Variants in NEBL observed in about 807,000 individuals in gnomAD.
NEBL encodes nebulette, also known as LIM and SH3 protein 2.
In NEBL, 122 loss-of-function variants were observed where a neutral mutation model predicts 140.2. The ratio of observed to expected loss-of-function variants is 0.87; its 90% CI spans 0.75 to 1.01. The LOEUF (loss-of-function observed/expected upper bound fraction) is 1.01. Ranked by LOEUF, NEBL falls within the 50% of genes least tolerant of loss-of-function variation. NEBL has a pLI of 0.00. For synonymous variants in NEBL, 436 were observed against 398.9 expected (o/e 1.09, Z -1.11); for missense variants, 1,365 against 1,231.3 (o/e 1.11, Z -1.62).
intron 2 of NEBL, among the ~76,000 whole-genome samples, chr10:21,069,715 A>C (rs1835728908): frequency 6.6e-6 from 1 of 152,244 alleles, no homozygotes. Flanking sequence ...CAGGGTGAGG[A>C]TAGAAATCTC....
chr10:20,937,782 A>G (rs183513238), intron 4 of NEBL, among the ~76,000 whole-genome samples: 74 of 152,312 alleles, frequency 4.9e-4, no homozygotes, highest in African/African-American at 1.6e-3. Flanking sequence ...ACGGCACACC[A>G]GGAGATCATA....
chr10:21,277,110 CAGA>C (rs1031966682), intron 1 of NEBL, among the ~76,000 whole-genome samples: 1 of 151,372 alleles, frequency 6.6e-6, no homozygotes, highest in Non-Finnish European at 1.5e-5. Context: ...GCCTGAGTCA[CAGA>C]AGAAGACCCT....
chr10:20,807,900 T>C (rs190559436), intron 26 of NEBL, among the ~76,000 whole-genome samples: 168 of 150,954 alleles, frequency 1.1e-3, no homozygotes, highest in Non-Finnish European at 1.2e-3. Flanking sequence ...TCAGCCTGGA[T>C]ACAGAAAACA....
chr10:21,214,198 A>G (rs1041992533), intron 3 of NEBL, among the ~76,000 whole-genome samples: 1 of 151,738 alleles, frequency 6.6e-6, no homozygotes, highest in Non-Finnish European at 1.5e-5. Flanking sequence ...TCATATATGT[A>G]TATCATGCAC....
chr10:21,044,477 T>C (rs1834421826), intron 2 of NEBL, among the ~76,000 whole-genome samples: 1 of 133,282 alleles, frequency 7.5e-6, no homozygotes, highest in Non-Finnish European at 1.6e-5. Context: ...TCCAGGAACA[T>C]CTTACACAAC....
At chr10:20,966,203 T>C (rs1465576154) in intron 3 of NEBL, among the ~76,000 whole-genome samples, 3 of 152,230 alleles carry the variant, frequency 2.0e-5, no homozygotes, top group African/African-American at 7.2e-5. Flanking sequence ...ACATTCTACG[T>C]GTCTGTGTGT....
intron 4 of NEBL, among the ~76,000 whole-genome samples, chr10:20,948,069 T>C (rs1005175500): frequency 6.6e-6 from 1 of 152,372 alleles, no homozygotes; most frequent in East Asian, 1.9e-4. Flanking sequence ...GGGTCGCATG[T>C]GGCCCAAGGG....
At chr10:21,267,337 C>CAGGA (rs1336821130) in intron 1 of NEBL, among the ~76,000 whole-genome samples, 4 of 152,150 alleles carry the variant, frequency 2.6e-5, no homozygotes, top group African/African-American at 9.7e-5. Flanking sequence ...TGGTCTCAAA[C>CAGGA]TCCTGACCTC....
intron 2 of NEBL, among the ~76,000 whole-genome samples, chr10:21,023,127 T>C (rs893405595): frequency 3.3e-5 from 5 of 152,270 alleles, no homozygotes; most frequent in Non-Finnish European, 4.4e-5. Flanking sequence ...TTTAAAGCTA[T>C]AGTAACAACT....
Position 20,924,768 on chromosome 10 carries a change from C to T in NEBL, c.357+36904G>A, listed in dbSNP as rs149574547. On this transcript the variant is annotated intron_variant, in intron 4 of 6. Coordinates refer to the NEBL transcript ENST00000417816. Reference sequence around the variant, plus strand: ...TGCTCTCTGGAACACTGTAGAGCTTCCCCCATAGAAAGAGATTACAAACGG... The same window carrying T: ...TGCTCTCTGGAACACTGTAGAGCTTTCCCCATAGAAAGAGATTACAAACGG... 2.3e-3 allele frequency among the ~76,000 whole-genome samples: 350 copies of T among 152,152 alleles called. 12 individuals are homozygous for T. In the East Asian group the frequency reaches 0.058, roughly 25 times the overall value.
chr10:20,854,925 T>A (rs1842904312), intron 9 of NEBL, among the ~76,000 whole-genome samples: 1 of 152,110 alleles, frequency 6.6e-6, no homozygotes, highest in Non-Finnish European at 1.5e-5. Context: ...TAATGTTTTT[T>A]TAAAAAAGCC....
chr10:21,215,178 C>T (rs1226411582), intron 3 of NEBL, among the ~76,000 whole-genome samples: 1 of 152,176 alleles, frequency 6.6e-6, no homozygotes, highest in African/African-American at 2.4e-5. Context: ...CATGTGGTGG[C>T]ACGCACCTGC....
Position 20,916,980 on chromosome 10 carries a change from T to C in NEBL, c.357+44692A>G, listed in dbSNP as rs1024963910. 2.0e-5 allele frequency among the ~76,000 whole-genome samples: 3 copies of C among 152,208 alleles called. No homozygotes were observed. In the South Asian group the frequency reaches 6.2e-4, roughly 31 times the overall value. On this transcript the variant is annotated intron_variant, in intron 4 of 6. Coordinates refer to the NEBL transcript ENST00000417816. ...CAAAGCATGTGCATATAATTTATAG[T>C]AAATATAAAATATCCTAGGGAATGA...
Position 20,895,324 on chromosome 10 carries a change from C to A in NEBL, c.153+1634G>T, listed in dbSNP as rs535681484. On this transcript the variant is annotated intron_variant, in intron 2 of 27. Transcript: ENST00000377122. ...GTAGCATTACTACTAATAATAGTAA[C>A]ATAATAATAATAAGGCGAAGAACAA... 3.4e-3 allele frequency among the ~76,000 whole-genome samples: 520 copies of A among 151,690 alleles called. 2 individuals carry two copies. The highest frequency in any genetic ancestry group is 4.4e-3 in the African/African-American group (179 of 41,060).
In NEBL at chr10:20,818,933, T is replaced by C. The variant is rs1032520918; in HGVS notation, c.2055+491A>G. 1.5e-5 allele frequency: 15 copies of C among 969,764 alleles called. No individual in the cohort carries two copies. In the East Asian group the frequency reaches 3.4e-4, roughly 22 times the overall value. The allele number at this position is 969,764 out of a possible 1,614,324, so 60.1% of individuals were successfully genotyped here. A position where few individuals can be genotyped will look rare whatever the true frequency, so the allele number is the denominator to read the frequency against. ...GATAGTTTTATTAAATCTGGAGATATTCCGTTTATCATCATCGTTATTATT... is the reference window on the plus strand; with the variant it reads ...GATAGTTTTATTAAATCTGGAGATACTCCGTTTATCATCATCGTTATTATT... On this transcript the variant is annotated intron_variant, in intron 20 of 27. Coordinates refer to ENST00000377122, the MANE Select transcript of NEBL (RefSeq NM_006393.3).
chr10:20,950,885 C>A (rs1330652178), intron 4 of NEBL, among the ~76,000 whole-genome samples: 1 of 152,194 alleles, frequency 6.6e-6, no homozygotes, highest in Admixed American at 6.5e-5. Flanking sequence ...TAAATCCATA[C>A]TCTCTTTCCT....
chr10:21,189,657 G>T (rs1554832182), intron 3 of NEBL, among the ~76,000 whole-genome samples: 1 of 92,986 alleles, frequency 1.1e-5, no homozygotes, highest in South Asian at 2.6e-4. Flanking sequence ...CAGTAGAGAC[G>T]GGGGTCTCAC....
chr10:21,204,547 A>G (rs7907987), intron 3 of NEBL, among the ~76,000 whole-genome samples: 33,359 of 152,078 alleles, frequency 0.22, 7,071 homozygotes, highest in African/African-American at 0.56. Context: ...ACCAGAAACT[A>G]TACGGGCCAG....
chr10:21,188,173 ATT>A (rs1841507868), intron 3 of NEBL, among the ~76,000 whole-genome samples: 1 of 152,154 alleles, frequency 6.6e-6, no homozygotes, highest in Non-Finnish European at 1.5e-5. Context: ...TGTGCCCTTA[ATT>A]CTCTCATGGA....
Sources: gnomAD v4.1 joint callset for allele counts (sites outside exome capture counted in the v4.1 genomes callset) on GRCh38, gnomAD v4.1.1 for gene constraint, MANE v1.5 for transcripts, NCBI Gene and HGNC (gene_info 2026-07-23, HGNC 2026-07-21) for gene names.